Variants in RAD52 observed in about 807,000 individuals in gnomAD.
The protein encoded by RAD52 is DNA repair protein RAD52 homolog.
A neutral mutation model predicts 55.5 loss-of-function variants in RAD52; 47 were observed. The ratio of observed to expected loss-of-function variants is 0.85; its 90% confidence interval spans 0.67 to 1.08. The LOEUF is 1.08. RAD52 is among the 50% of genes least tolerant of loss of function. The pLI is 0.00. For synonymous variants in RAD52, 184 were observed against 198.9 expected (o/e 0.92, Z 0.63); for missense variants, 468 against 522.8 (o/e 0.90, Z 1.02).
intron 1 of RAD52, among the ~76,000 whole-genome samples, chr12:937,328 A>G (rs1001274181): frequency 1.1e-4 from 16 of 152,140 alleles, no homozygotes; most frequent in African/African-American, 3.4e-4. Flanking sequence ...TTGAAAAAAT[A>G]ATAGCACATA....
rs112756555 is a variant in RAD52, at chr12:939,588, C to T, written c.-18-6512G>A. Among the ~76,000 whole-genome samples, 38 of 152,272 alleles carry T rather than the reference C, an allele frequency of 2.5e-4. 2 individuals are homozygous for T. The highest frequency in any genetic ancestry group is 7.7e-4 in the African/African-American group (32 of 41,556). On this transcript the variant is annotated intron_variant, in intron 1 of 11. Transcript: ENST00000358495. ...CCAAAAACTACACAGACCAACCAAC[C>T]GGAGAAACAAAGAAAATCACCAACG...
In RAD52 at chr12:913,937, T is replaced by C; in HGVS notation, c.1152A>G (p.Gly384=). 1 of 1,614,206 alleles carries C rather than the reference T, an allele frequency of 6.2e-7. No homozygotes were observed. The highest frequency in any genetic ancestry group is 1.1e-5 in the South Asian group (1 of 91,082). The part of the protein sequence containing the change: ...VCHQKPQAKS[G]SWDLQTYSAD... Reference sequence around the variant, plus strand: ...CGCTATAAGTTTGGAGGTCCCAAGATCCAGATTTTGCTTGTGGTTTCTGGT... The same window carrying C: ...CGCTATAAGTTTGGAGGTCCCAAGACCCAGATTTTGCTTGTGGTTTCTGGT... Residue 384 remains glycine (G), a synonymous_variant, in exon 11 of 12, where the codon GGA becomes GGG. Transcript: ENST00000358495.
Position 939,017 on chromosome 12 carries a change from G to A in RAD52, c.-18-5941C>T, listed in dbSNP as rs116862297. On this transcript the variant is annotated intron_variant, in intron 1 of 11. Coordinates refer to ENST00000358495, the MANE Select transcript of RAD52 (RefSeq NM_134424.4). ...ATGCAATATTGGAGTAAAGTGTCAT[G>A]TTTTCTGCAACTTACTCTCAATTCA... Among the ~76,000 whole-genome samples, 49 of 148,626 alleles carry A rather than the reference G, an allele frequency of 3.3e-4. No individual in the cohort carries two copies. The East Asian group carries it at 9.6e-3, about 29-fold the overall frequency.
intron 7 of RAD52, among the ~76,000 whole-genome samples, chr12:919,617 G>A (rs894788242): frequency 4.7e-5 from 7 of 149,044 alleles, no homozygotes; most frequent in African/African-American, 1.5e-4. Context: ...TGGGTGTGGT[G>A]GTGGGCGCCT....
intron 1 of RAD52, among the ~76,000 whole-genome samples, chr12:966,032 A>G (rs1470619272): frequency 6.6e-6 from 1 of 152,012 alleles, no homozygotes; most frequent in Non-Finnish European, 1.5e-5. Flanking sequence ...GCTGGAGTGC[A>G]GTGGCACGAT....
chr12:970,334 A>AAG (rs1958828288), intron 1 of RAD52, among the ~76,000 whole-genome samples: 1 of 151,232 alleles, frequency 6.6e-6, no homozygotes, highest in African/African-American at 2.4e-5. Context: ...AAAAAAAAAA[A>AAG]AAAAAAAGTC....
At chr12:950,141 G>T (rs1958485532), upstream of RAD52, among the ~76,000 whole-genome samples, 1 of 152,232 alleles carries the variant, frequency 6.6e-6, no homozygotes, top group African/African-American at 2.4e-5. Context: ...CCCGGGCCGA[G>T]GCAGCGGTGG....
intron 1 of RAD52, among the ~76,000 whole-genome samples, chr12:987,972 ATTTTC>A (rs544106403): frequency 1.2e-4 from 18 of 151,506 alleles, no homozygotes; most frequent in African/African-American, 3.9e-4. Context: ...ACCCAGCCCT[ATTTTC>A]TTTTCTTTTT....
chr12:990,287 T>C (rs1959169269), upstream of RAD52: 1 of 152,144 alleles, frequency 6.6e-6, no homozygotes, highest in Non-Finnish European at 1.5e-5. Context: ...CCATTCTTAC[T>C]TTCTTGGTTT....
intron 3 of RAD52, among the ~76,000 whole-genome samples, chr12:930,795 C>T (rs894547793): frequency 6.6e-6 from 1 of 151,704 alleles, no homozygotes; most frequent in African/African-American, 2.4e-5. Flanking sequence ...GGCGAGATGT[C>T]GTCTCTACAG....
upstream of RAD52, chr12:949,767 A>T (rs1274468239): frequency 1.3e-5 from 2 of 150,488 alleles, no homozygotes; most frequent in African/African-American, 4.9e-5. Flanking sequence ...AAAAAAAAAA[A>T]CACAGACCAG....
intron 1 of RAD52, chr12:936,845 G>A (rs1957661595): frequency 6.6e-6 from 1 of 152,150 alleles, no homozygotes; most frequent in Admixed American, 6.6e-5. Context: ...GTGTCCTTGA[G>A]GCCCTTGGTC....
intron 1 of RAD52, among the ~76,000 whole-genome samples, chr12:965,126 C>CCT (rs1958741080): frequency 1.3e-5 from 2 of 151,758 alleles, no homozygotes; most frequent in Non-Finnish European, 2.9e-5. Flanking sequence ...AGTACAGGTG[C>CCT]GCACCACCAC....
At chr12:925,567 GTT>G (rs1565661250) in intron 6 of RAD52, 42 bp from the exon 7 acceptor site, 1 of 1,459,022 alleles carries the variant, frequency 6.9e-7, no homozygotes, top group East Asian at 2.3e-5. Flanking sequence ...GTTAAGAATT[GTT>G]ACACATGAAT....
rs58661569 is a variant in RAD52, at chr12:965,844, A to G, written c.-19+23965T>C. On this transcript the variant is annotated intron_variant, in intron 1 of 11. Coordinates refer to the RAD52 transcript ENST00000430095. ...TGGGATTACACATATGCACCACCACACCTGGCTAATTTTTGTATTTTTAGT... is the reference window on the plus strand; with the variant it reads ...TGGGATTACACATATGCACCACCACGCCTGGCTAATTTTTGTATTTTTAGT... 1.3e-3 allele frequency among the ~76,000 whole-genome samples: 202 copies of G among 151,462 alleles called. 1 individual carries two copies. The highest frequency in any genetic ancestry group is 4.3e-3 in the African/African-American group (177 of 41,140).
intron 1 of RAD52, among the ~76,000 whole-genome samples, chr12:980,947 T>C (rs1412412375): frequency 6.6e-6 from 1 of 152,150 alleles, no homozygotes; most frequent in African/African-American, 2.4e-5. Context: ...CCTTCTCACA[T>C]ATAAAATGCA....
chr12:932,829 TAA>T, intron 2 of RAD52, 144 bp downstream of exon 2: 11 of 183,410 alleles, frequency 6.0e-5, no homozygotes, highest in Non-Finnish European at 8.0e-5. Flanking sequence ...ACGTACTAGG[TAA>T]ACGTACTAGG....
intron 7 of RAD52, among the ~76,000 whole-genome samples, chr12:918,709 A>C (rs1171063461): frequency 1.3e-5 from 2 of 151,928 alleles, no homozygotes; most frequent in Non-Finnish European, 2.9e-5. Context: ...ACACCCGGCC[A>C]ATCTGTGTTG....
intron 7 of RAD52, among the ~76,000 whole-genome samples, chr12:918,879 G>A (rs1040853290): frequency 1.3e-5 from 2 of 152,118 alleles, no homozygotes; most frequent in South Asian, 2.1e-4. Flanking sequence ...TGGATGATAC[G>A]TGCACTCGTC....
Sources: gnomAD v4.1 joint callset for allele counts (sites outside exome capture counted in the v4.1 genomes callset) on GRCh38, gnomAD v4.1.1 for gene constraint, MANE v1.5 for transcripts, NCBI Gene and HGNC (gene_info 2026-07-23, HGNC 2026-07-21) for gene names.